The following PAXIP1 variants were observed in gnomAD, a reference collection of about 807,000 sequenced individuals.
PAXIP1 encodes PAX-interacting protein 1.
A neutral mutation model predicts 140.6 loss-of-function variants in PAXIP1; 19 were observed. The ratio of observed to expected loss-of-function variants is 0.14; its 90% CI spans 0.09 to 0.20. PAXIP1 has a LOEUF of 0.20. Among genes scored for constraint, PAXIP1 ranks in the 10% least tolerant of loss-of-function variants. The pLI is 1.00. For synonymous variants in PAXIP1, 442 were observed against 444.6 expected, an observed-to-expected ratio of 0.99 and a Z score of 0.07; for missense variants, 920 against 1,208.6, an observed-to-expected ratio of 0.76 and a Z score of 3.54.
intron 6 of PAXIP1, among the ~76,000 whole-genome samples, chr7:154,971,447 G>A (rs905829589): frequency 6.6e-6 from 1 of 152,220 alleles, no homozygotes; most frequent in Non-Finnish European, 1.5e-5. Context: ...TTGAGGAAGC[G>A]AGAGGTGCAG....
chr7:154,960,966 C>T lies in PAXIP1; in HGVS notation c.2361G>A (p.Gln787=). 1 of 1,604,640 alleles carries T rather than the reference C, an allele frequency of 6.2e-7. No homozygotes were observed. Among genetic ancestry groups the T allele is most frequent in the Non-Finnish European group, 8.5e-7 (1 of 1,175,206 alleles). The change falls in exon 12 of 21, where the codon CAG becomes CAA. Residue 787 remains glutamine, a synonymous_variant. Coordinates refer to ENST00000404141, the MANE Select transcript of PAXIP1 (RefSeq NM_007349.4). ...GACTGAATGCCGTGTAGCGACTATA[C>T]TGAATCTGCCTCAGTGCCTCAAAGT... The part of the protein sequence containing the change: ...LGNFEALRQI[Q]YSRYTAFSLQ...
chr7:154,966,039 G>C lies in PAXIP1; in HGVS notation c.1893+1777C>G, dbSNP rs530267340. ...TCCTAGGAACTCTCTTTCAATCTCT[G>C]AGTCAAATGCCTCATTTCCTGGCTA... is the stretch of plus-strand genomic sequence containing the variant. On this transcript the variant is annotated intron_variant, in intron 8 of 20. Transcript: ENST00000404141. 6.7e-4 allele frequency among the ~76,000 whole-genome samples: 102 copies of C among 152,246 alleles called. 2 individuals carry two copies. In the South Asian group the frequency reaches 0.021, roughly 31 times the overall value.
intron 3 of PAXIP1, 64 bp downstream of exon 3, chr7:154,993,662 A>G: frequency 8.2e-7 from 1 of 1,217,704 alleles, no homozygotes; most frequent in African/African-American, 1.5e-5. Flanking sequence ...ATTAACTATC[A>G]TTTCTTTCAG....
chr7:154,985,496 C>T (rs756102031), intron 4 of PAXIP1, among the ~76,000 whole-genome samples: 8 of 152,114 alleles, frequency 5.3e-5, no homozygotes, highest in Non-Finnish European at 7.3e-5. Flanking sequence ...GCCCACCCTC[C>T]GACCTCCTCC....
intron 4 of PAXIP1, chr7:154,985,958 T>A (rs1316544470): frequency 7.8e-7 from 1 of 1,286,302 alleles, no homozygotes; most frequent in African/African-American, 1.5e-5. Flanking sequence ...TCTTCTAGAT[T>A]CAAATCATGA....
Position 154,955,622 on chromosome 7 carries a change from G to C in PAXIP1, c.2559C>G (p.Asp853Glu). The C allele has an allele frequency of 1.1e-5, 17 of 1,567,746 alleles. No homozygotes were observed. Among genetic ancestry groups the C allele is most frequent in the Non-Finnish European group, 1.5e-5 (17 of 1,156,230 alleles). ...QPSSKRARIEDVPPPTKKLTP... is the reference protein window; with the variant it reads ...QPSSKRARIEEVPPPTKKLTP... Reference sequence around the variant, plus strand: ...TTAGCTTTTTAGTGGGAGGTGGTACGTCTTCAATTCTGTGGAAGAAATACA... The same window carrying C: ...TTAGCTTTTTAGTGGGAGGTGGTACCTCTTCAATTCTGTGGAAGAAATACA... Residue 853 changes from aspartate (D) to glutamate (E), a missense_variant, in exon 15 of 21, where the codon GAC becomes GAG. Physicochemically the swap from Asp to Glu is conservative, Grantham distance 45. This residue lies in a region of PAXIP1 where 303 missense variants were observed against 517.9 expected (regional missense o/e 0.59). Coordinates refer to ENST00000404141, the MANE Select transcript of PAXIP1 (RefSeq NM_007349.4).
intron 1 of PAXIP1, chr7:155,000,064 A>G (rs144699722): frequency 6.6e-6 from 1 of 152,174 alleles, no homozygotes; most frequent in East Asian, 1.9e-4. Context: ...GTGCCCACAA[A>G]GCTCAAGTGA....
At position 154,961,013 on chromosome 7, in the gene PAXIP1, G is replaced by C; in HGVS notation, c.2314C>G (p.Leu772Val). 1 of 1,601,926 alleles carries C rather than the reference G, an allele frequency of 6.2e-7. No homozygotes were observed. The highest frequency in any genetic ancestry group is 2.2e-5 in the East Asian group (1 of 44,598). The change falls in exon 12 of 21, where the codon CTT becomes GTT. Residue 772 changes from leucine to valine, a missense_variant. Leu to Val is a conservative substitution (Grantham distance 32). Around this residue, in one of 5 missense-constraint regions of PAXIP1, gnomAD observed 303 missense variants for 517.9 expected, o/e 0.59. Coordinates refer to ENST00000404141, the MANE Select transcript of PAXIP1 (RefSeq NM_007349.4). ...AAGTTTCCCAGAAGAATGTCGCCAA[G>C]CCACTGGGCGTTGACACAGGGTATC... ...WRIPCVNAQWLGDILLGNFEA... is the reference protein window; with the variant it reads ...WRIPCVNAQWVGDILLGNFEA...
intron 13 of PAXIP1, among the ~76,000 whole-genome samples, chr7:154,958,232 G>A (rs1326363672): frequency 6.6e-6 from 1 of 152,152 alleles, no homozygotes; most frequent in Admixed American, 6.5e-5. Context: ...AAGAGAGCAG[G>A]AAGGAGATGG....
In PAXIP1 at chr7:154,970,241, A is replaced by C. The variant is rs117356775; in HGVS notation, c.1075-1115T>G. ...TACAACTTTTAACCCTATTAAAAGCATTTAAAATTTAAATAAAATTCTAGG... is the reference window on the plus strand; with the variant it reads ...TACAACTTTTAACCCTATTAAAAGCCTTTAAAATTTAAATAAAATTCTAGG... On this transcript the variant is annotated intron_variant, in intron 6 of 20. Coordinates refer to ENST00000404141, the MANE Select transcript of PAXIP1 (RefSeq NM_007349.4). Among the ~76,000 whole-genome samples the C allele has an allele frequency of 8.4e-4, 128 of 152,370 alleles. No individual in the cohort carries two copies. The East Asian group carries it at 0.013, about 15-fold the overall frequency.
At chr7:154,961,302 T>C (rs1332614550) in intron 11 of PAXIP1, among the ~76,000 whole-genome samples, 2 of 152,238 alleles carry the variant, frequency 1.3e-5, no homozygotes, top group African/African-American at 2.4e-5. Flanking sequence ...ACCCTATTCC[T>C]GTTTTGTTCA....
upstream of PAXIP1, chr7:155,003,173 C>T (rs1811020037): frequency 6.6e-6 from 1 of 150,836 alleles, no homozygotes; most frequent in African/African-American, 2.4e-5. Flanking sequence ...CCCCGGCCAC[C>T]GAGGGGGAGC....
At chr7:154,992,002 T>G (rs1205733395) in intron 3 of PAXIP1, among the ~76,000 whole-genome samples, 1 of 152,320 alleles carries the variant, frequency 6.6e-6, no homozygotes, top group Middle Eastern at 3.4e-3. Context: ...CTCTGAAGAC[T>G]GCAATGATAC....
chr7:154,997,239 T>C (rs1380922198), intron 2 of PAXIP1, among the ~76,000 whole-genome samples: 2 of 152,164 alleles, frequency 1.3e-5, no homozygotes, highest in Non-Finnish European at 2.9e-5. Context: ...TCTATTTTTT[T>C]CCCTTTTTCT....
chr7:154,990,446 T>TTCC (rs1435535009), intron 4 of PAXIP1, among the ~76,000 whole-genome samples: 1 of 152,244 alleles, frequency 6.6e-6, no homozygotes, highest in East Asian at 1.9e-4. Flanking sequence ...TGTACTCCCA[T>TTCC]TCCTGCCGGC....
At chr7:154,983,165 T>C in intron 5 of PAXIP1, 54 bp downstream of exon 5, 1 of 824,424 alleles carries the variant, frequency 1.2e-6, no homozygotes, top group Non-Finnish European at 1.9e-6. Context: ...GACATGTGAT[T>C]ACTAGAAATT....
intron 16 of PAXIP1, among the ~76,000 whole-genome samples, chr7:154,953,677 G>T (rs1808382323): frequency 6.6e-6 from 1 of 152,130 alleles, no homozygotes; most frequent in South Asian, 2.1e-4. Flanking sequence ...AAAAAAAATT[G>T]CTTAGAATTT....
At chr7:154,993,018 A>G (rs1185523202) in intron 3 of PAXIP1, among the ~76,000 whole-genome samples, 1 of 152,246 alleles carries the variant, frequency 6.6e-6, no homozygotes, top group African/African-American at 2.4e-5. Context: ...GTATGGTATC[A>G]GGTACTTGCA....
At chr7:154,972,342 AGCCGG>A (rs1314007295) in intron 6 of PAXIP1, among the ~76,000 whole-genome samples, 9 of 152,176 alleles carry the variant, frequency 5.9e-5, no homozygotes, top group Admixed American at 3.9e-4. Context: ...AACAAACATT[AGCCGG>A]GCGTGGTAAT....
Sources: allele counts gnomAD v4.1 joint callset (sites outside exome capture counted in the v4.1 genomes callset), GRCh38; gene constraint gnomAD v4.1.1; regional missense constraint gnomAD v4.1.1; transcripts MANE v1.5; gene names NCBI Gene and HGNC (gene_info 2026-07-23, HGNC 2026-07-21).